RAD51B: variants seen among roughly 807,000 people sequenced by gnomAD.
RAD51B encodes the protein DNA repair protein RAD51 homolog 2.
RAD51B carries 38 observed loss-of-function variants against 42.2 expected under a neutral mutation model. The observed-to-expected ratio is 0.90, with a 90% CI of 0.70 to 1.18. The LOEUF (loss-of-function observed/expected upper bound fraction) is 1.18, where lower values mean the gene tolerates loss of function less well. RAD51B is among the 50% of genes most tolerant of loss of function. The pLI, the probability that RAD51B is intolerant of heterozygous loss-of-function variation, is 0.00. For missense variants in RAD51B, 373 were observed against 400.7 expected (o/e 0.93, Z 0.59); for synonymous variants, 154 against 145.2 (o/e 1.06, Z -0.43).
intron 7 of RAD51B, among the ~76,000 whole-genome samples, chr14:67,973,101 T>G (rs1322938298): frequency 6.6e-6 from 1 of 152,078 alleles, no homozygotes; most frequent in Non-Finnish European, 1.5e-5. Context: ...TATCAGCAAC[T>G]TATAATCAAC....
At chr14:68,173,386 C>G (rs2078908795) in intron 7 of RAD51B, among the ~76,000 whole-genome samples, 2 of 152,302 alleles carry the variant, frequency 1.3e-5, no homozygotes, top group African/African-American at 2.4e-5. Flanking sequence ...TGGGAACACT[C>G]TGGCCTTAGA....
In RAD51B at chr14:67,904,934, G is replaced by GTT. The variant is rs567202391; in HGVS notation, c.756+17742_756+17743dup. Among the ~76,000 whole-genome samples the GTT allele has an allele frequency of 1.9e-3, 260 of 138,336 alleles. 2 individuals carry two copies. Among genetic ancestry groups the GTT allele is most frequent in the Middle Eastern group, 0.011 (3 of 274 alleles). The allele number at this position is 138,336 out of a possible 152,430, so 90.8% of individuals were successfully genotyped here. On this transcript the variant is annotated intron_variant, in intron 7 of 10. Coordinates refer to ENST00000471583, the MANE Select transcript of RAD51B (RefSeq NM_133510.4). ...TCATTTAACTAGATCCTATTTGTCA[G>GTT]TTTTTTTTTTTTTCAATTGCTTTTG...
At chr14:67,848,687 A>G (rs559709921) in intron 4 of RAD51B, among the ~76,000 whole-genome samples, 1 of 152,216 alleles carries the variant, frequency 6.6e-6, no homozygotes, top group East Asian at 1.9e-4. Flanking sequence ...TCTGTGGGCT[A>G]TGTACTTAAG....
intron 9 of RAD51B, among the ~76,000 whole-genome samples, chr14:68,454,682 C>T (rs915513151): frequency 1.3e-5 from 2 of 152,228 alleles, no homozygotes; most frequent in East Asian, 3.8e-4. Context: ...ATTCTCAGGG[C>T]TTGTCTTTAT....
chr14:68,051,337 A>G (rs1336297156), intron 7 of RAD51B, among the ~76,000 whole-genome samples: 2 of 152,150 alleles, frequency 1.3e-5, no homozygotes, highest in Non-Finnish European at 2.9e-5. Context: ...GAGTATTTCA[A>G]CATCGGAATG....
chr14:68,319,614 G>T (rs554990958), intron 8 of RAD51B, among the ~76,000 whole-genome samples: 1 of 152,256 alleles, frequency 6.6e-6, no homozygotes, highest in Non-Finnish European at 1.5e-5. Context: ...GCTCACCTAG[G>T]TCTACTGTAG....
intron 10 of RAD51B, among the ~76,000 whole-genome samples, chr14:68,474,613 G>A (rs945956535): frequency 6.6e-6 from 1 of 152,102 alleles, no homozygotes; most frequent in African/African-American, 2.4e-5. Flanking sequence ...CCTCAGCCTG[G>A]GCTCCTAAGA....
rs74802091 is a variant in RAD51B, at chr14:67,938,611, G to C, written c.756+51407G>C. On this transcript the variant is annotated intron_variant, in intron 7 of 10. Transcript: ENST00000471583. ...TTGTGAAACTCCTTGCTGTGAAATA[G>C]TAGGGGCTTCTCAGTCATTTTGTGT... Among the ~76,000 whole-genome samples, 871 of 152,306 alleles carry C rather than the reference G, an allele frequency of 5.7e-3. 5 individuals carry two copies. Among genetic ancestry groups the C allele is most frequent in the Middle Eastern group, 0.01 (3 of 294 alleles).
intron 1 of RAD51B, among the ~76,000 whole-genome samples, chr14:67,822,878 A>G (rs2040681545): frequency 6.6e-6 from 1 of 152,196 alleles, no homozygotes; most frequent in Admixed American, 6.5e-5. Flanking sequence ...GGTTAAGAGG[A>G]TAGGTTTCAG....
chr14:68,471,735 C>T (rs1319932759), intron 10 of RAD51B, among the ~76,000 whole-genome samples: 1 of 151,980 alleles, frequency 6.6e-6, no homozygotes, highest in Non-Finnish European at 1.5e-5. Context: ...TGAAAGAACC[C>T]CCCTCCTCCC....
intron 7 of RAD51B, among the ~76,000 whole-genome samples, chr14:68,134,604 T>C (rs1452602267): frequency 1.3e-5 from 2 of 152,202 alleles, no homozygotes; most frequent in Non-Finnish European, 2.9e-5. Context: ...TTATCATTAA[T>C]TTTTAAATGC....
chr14:68,002,353 G>A (rs1484434323), intron 7 of RAD51B, among the ~76,000 whole-genome samples: 10 of 152,070 alleles, frequency 6.6e-5, no homozygotes, highest in Non-Finnish European at 1.2e-4. Context: ...AGAAGTGTCT[G>A]TTCATGTCCT....
exon 11 of RAD51B, chr14:68,595,699 A>G: frequency 1.2e-6 from 1 of 867,394 alleles, no homozygotes; most frequent in Non-Finnish European, 1.4e-6. Flanking sequence ...TTAAATTAAC[A>G]TCTATACGAT....
At chr14:68,523,948 T>G (rs1442192154) in intron 10 of RAD51B, among the ~76,000 whole-genome samples, 2 of 152,184 alleles carry the variant, frequency 1.3e-5, no homozygotes, top group African/African-American at 4.8e-5. Flanking sequence ...ATATCAATGG[T>G]CTGGTGGCAT....
intron 8 of RAD51B, among the ~76,000 whole-genome samples, chr14:68,405,724 G>A (rs141926134): frequency 2.1e-3 from 320 of 150,696 alleles, no homozygotes; most frequent in Non-Finnish European, 3.6e-3. Flanking sequence ...TTGTTTTAGC[G>A]ACGCGGAGTC....
chr14:68,221,502 A>T (rs2079926477), intron 7 of RAD51B, among the ~76,000 whole-genome samples: 2 of 152,250 alleles, frequency 1.3e-5, no homozygotes, highest in Admixed American at 1.3e-4. Context: ...AGGAGAATGA[A>T]ACTGGATCCT....
At chr14:68,218,159 T>A (rs2079852633) in intron 7 of RAD51B, among the ~76,000 whole-genome samples, 1 of 152,242 alleles carries the variant, frequency 6.6e-6, no homozygotes, top group South Asian at 2.1e-4. Flanking sequence ...TGTAAGCCTA[T>A]AAGTCACAGC....
intron 2 of RAD51B, among the ~76,000 whole-genome samples, chr14:67,824,897 T>C (rs941118056): frequency 6.6e-6 from 1 of 150,956 alleles, no homozygotes; most frequent in African/African-American, 2.4e-5. Context: ...GCCAATATGG[T>C]GAACTCTTGT....
intron 9 of RAD51B, among the ~76,000 whole-genome samples, chr14:68,427,731 G>A (rs1183153303): frequency 6.6e-6 from 1 of 152,190 alleles, no homozygotes; most frequent in Non-Finnish European, 1.5e-5. Context: ...CTGGACTTTG[G>A]ACTTTTAAGT....
Sources: gnomAD v4.1 joint callset for allele counts (sites outside exome capture counted in the v4.1 genomes callset) on GRCh38, gnomAD v4.1.1 for gene constraint, MANE v1.5 for transcripts, NCBI Gene and HGNC (gene_info 2026-07-23, HGNC 2026-07-21) for gene names.